Variants in RYR3 observed in about 807,000 individuals in gnomAD.
RYR3 encodes the protein brain ryanodine receptor-calcium release channel.
RYR3 carries 207 observed loss-of-function variants against 584.3 expected under a neutral mutation model. The observed-to-expected ratio is 0.35, with a 90% CI of 0.32 to 0.40. The LOEUF (loss-of-function observed/expected upper bound fraction) is 0.40. RYR3 is among the 10% of genes least tolerant of loss of function. RYR3 has a pLI of 1.00. For synonymous variants in RYR3, 2,416 were observed against 2,248.5 expected (o/e 1.07, Z -2.11); for missense variants, 5,616 against 6,089.2 (o/e 0.92, Z 2.59).
chr15:33,718,510 AGAGGAACAGGTCCTCTGG>A (rs1342891227), intron 43 of RYR3, among the ~76,000 whole-genome samples: 1 of 152,172 alleles, frequency 6.6e-6, no homozygotes, highest in Non-Finnish European at 1.5e-5. Flanking sequence ...AGGGTGTTTG[AGAGGAACAGGTCCTCTGG>A]GGTTCCCATG....
At position 33,311,737 on chromosome 15, in the gene RYR3, T is replaced by C. The variant is rs1443128037; in HGVS notation, c.51+641T>C. 6.6e-6 allele frequency among the ~76,000 whole-genome samples: 1 copy of C among 152,220 alleles called. No homozygotes were observed. On this transcript the variant is annotated intron_variant, in intron 1 of 103. Coordinates refer to ENST00000634891, the MANE Select transcript of RYR3 (RefSeq NM_001036.6). The surrounding 1 kb of genome is among the most constrained non-coding windows in gnomAD (Gnocchi z 4.4). ...GACTGCCTGTCGTGTGTTCGAGAGCTGTGGCTTCTGCTCCTGGCTCCCGCG... is the reference window on the plus strand; with the variant it reads ...GACTGCCTGTCGTGTGTTCGAGAGCCGTGGCTTCTGCTCCTGGCTCCCGCG...
At chr15:33,772,270 C>T in intron 63 of RYR3, 112 bp downstream of exon 63, 1 of 616,002 alleles carries the variant, frequency 1.6e-6, no homozygotes, top group Non-Finnish European at 2.9e-6. Flanking sequence ...GAGAATTATT[C>T]CATGCCTTTT....
chr15:33,610,353 A>G (rs1195973563), intron 18 of RYR3, among the ~76,000 whole-genome samples: 1 of 152,160 alleles, frequency 6.6e-6, no homozygotes, highest in African/African-American at 2.4e-5. Context: ...GGCAACACAT[A>G]CGTACCTTCA....
intron 64 of RYR3, among the ~76,000 whole-genome samples, chr15:33,774,868 C>T (rs974601144): frequency 6.6e-6 from 1 of 152,154 alleles, no homozygotes; most frequent in South Asian, 2.1e-4. Flanking sequence ...TGCCAAATTT[C>T]ACTTGAGGCA....
At chr15:33,385,093 C>T (rs1359967680) in intron 1 of RYR3, among the ~76,000 whole-genome samples, 1 of 152,202 alleles carries the variant, frequency 6.6e-6, no homozygotes, top group Non-Finnish European at 1.5e-5. Flanking sequence ...TTTTATGTCA[C>T]TTACCACAGC....
rs377038964 is a variant in RYR3, at chr15:33,702,915, G to A, written c.6483+1835G>A. Among the ~76,000 whole-genome samples, 15 of 152,092 alleles carry A rather than the reference G, an allele frequency of 9.9e-5. No individual in the cohort carries two copies. In the South Asian group the frequency reaches 2.1e-3, roughly 21 times the overall value. On this transcript the variant is annotated intron_variant, in intron 42 of 103. Coordinates refer to ENST00000634891, the MANE Select transcript of RYR3 (RefSeq NM_001036.6). The stretch of plus-strand genomic sequence containing the variant: ...GAAATAAATACACATTTTTTTCTTC[G>A]TGTCGCATAGTGAACGTGGGGTGGC...
intron 102 of RYR3, 146 bp from the exon 103 acceptor site, chr15:33,863,992 T>A (rs1432405428): frequency 6.9e-6 from 4 of 580,696 alleles, no homozygotes; most frequent in Non-Finnish European, 1.2e-5. Context: ...ATGGTTTGTG[T>A]CCTTATGCCA....
chr15:33,385,637 A>G (rs1308551683), intron 1 of RYR3, among the ~76,000 whole-genome samples: 1 of 151,754 alleles, frequency 6.6e-6, no homozygotes, highest in African/African-American at 2.4e-5. Context: ...AGTTGGCTCT[A>G]TATTGAGTAT....
At chr15:33,345,301 T>G (rs533125104) in intron 1 of RYR3, among the ~76,000 whole-genome samples, 2 of 152,178 alleles carry the variant, frequency 1.3e-5, no homozygotes, top group African/African-American at 4.8e-5. Context: ...TACAAAGGAC[T>G]ATATAAGATA....
Position 33,669,365 on chromosome 15 carries a change from G to A in RYR3, c.5631G>A (p.Leu1877=), listed in dbSNP as rs2152720622. The A allele has an allele frequency of 6.2e-7, 1 of 1,613,952 alleles. No individual in the cohort carries two copies. Among genetic ancestry groups the A allele is most frequent in the Non-Finnish European group, 8.5e-7 (1 of 1,179,866 alleles). Residue 1877 remains leucine, a synonymous_variant, in exon 37 of 104, where the codon CTG becomes CTA. Transcript: ENST00000634891. ...RSPPQEQINM[L]LNFQLGENCP... The stretch of plus-strand genomic sequence containing the variant: ...CTTGCCTCTCAAAGATCAACATGCT[G>A]CTTAACTTTCAACTGGGAGAGAACT...
chr15:33,753,773 C>G (rs1380099928), intron 57 of RYR3, among the ~76,000 whole-genome samples: 1 of 152,098 alleles, frequency 6.6e-6, no homozygotes, highest in Non-Finnish European at 1.5e-5. Flanking sequence ...GGGAAGCATT[C>G]GAGAAAGACT....
At chr15:33,780,607 C>A (rs146418029) in intron 65 of RYR3, among the ~76,000 whole-genome samples, 1 of 152,200 alleles carries the variant, frequency 6.6e-6, no homozygotes, top group Non-Finnish European at 1.5e-5. Context: ...CATCCTAAGA[C>A]CTCAGGGTCT....
chr15:33,364,191 T>C (rs914427891), intron 1 of RYR3, among the ~76,000 whole-genome samples: 1 of 152,206 alleles, frequency 6.6e-6, no homozygotes, highest in Non-Finnish European at 1.5e-5. Context: ...TTATTTTTTG[T>C]TTTTAAAATG....
rs1287733846 is a variant in RYR3, at chr15:33,699,809, C to T, written c.6355C>T (p.Leu2119=). 2 of 1,613,838 alleles carry T rather than the reference C, an allele frequency of 1.2e-6. No individual in the cohort carries two copies. The change falls in exon 41 of 104, where the codon CTG becomes TTG. Residue 2119 remains leucine, a synonymous_variant. Coordinates refer to ENST00000634891, the MANE Select transcript of RYR3 (RefSeq NM_001036.6). ...KAMFEHLSYL[L]ENSSVGLASP... ...CATGTTTGAGCATCTGAGTTATCTTCTGGAGAATAGCAGTGTTGGCCTAGG... is the reference window on the plus strand; with the variant it reads ...CATGTTTGAGCATCTGAGTTATCTTTTGGAGAATAGCAGTGTTGGCCTAGG...
intron 1 of RYR3, among the ~76,000 whole-genome samples, chr15:33,439,104 A>T (rs1337897221): frequency 1.3e-5 from 2 of 152,162 alleles, no homozygotes; most frequent in Admixed American, 6.5e-5. Context: ...TTATTGCTAA[A>T]TTTTTTTAAA....
At chr15:33,507,095 C>T (rs553343216) in intron 3 of RYR3, among the ~76,000 whole-genome samples, 1 of 152,266 alleles carries the variant, frequency 6.6e-6, no homozygotes, top group South Asian at 2.1e-4. Context: ...TCCTTCTAGT[C>T]AAAAATTGGT....
At position 33,780,326 on chromosome 15, in the gene RYR3, C is replaced by A. The variant is rs1158702362; in HGVS notation, c.9253C>A (p.Pro3085Thr). 1 of 1,613,808 alleles carries A rather than the reference C, an allele frequency of 6.2e-7. No individual in the cohort carries two copies. The highest frequency in any genetic ancestry group is 1.1e-5 in the South Asian group (1 of 91,030). ...NPLSVFNTKT[P>T]RERSILGMPD... is the part of the protein sequence containing the mutation. ...ACTCTCGGTCTTCAACACCAAAACC[C>A]CCAGGGAGAGGTCTAGTAAGTATCT... Residue 3085 changes from proline to threonine, a missense_variant, in exon 65 of 104, where the codon CCC (proline) becomes ACC (threonine). This residue lies in a region of RYR3 where 954 missense variants were observed against 1,132.2 expected (regional missense o/e 0.84). Transcript: ENST00000634891.
At chr15:33,767,183 TG>T (rs1377919801) in intron 60 of RYR3, among the ~76,000 whole-genome samples, 4 of 152,130 alleles carry the variant, frequency 2.6e-5, no homozygotes, top group Non-Finnish European at 5.9e-5. Flanking sequence ...CTCTCTACAG[TG>T]AGAAAGTTAC....
At chr15:33,713,651 C>A (rs2067278779) in intron 43 of RYR3, among the ~76,000 whole-genome samples, 1 of 152,136 alleles carries the variant, frequency 6.6e-6, no homozygotes, top group Admixed American at 6.5e-5. Flanking sequence ...TTAGTCTGTT[C>A]AGGCTGCCAT....
Sources: gnomAD v4.1 joint callset for allele counts (sites outside exome capture counted in the v4.1 genomes callset) on GRCh38, gnomAD v4.1.1 for gene constraint, gnomAD v4.1.1 regional missense constraint, Gnocchi (gnomAD v3.1) non-coding constraint, MANE v1.5 for transcripts, NCBI Gene and HGNC (gene_info 2026-07-23, HGNC 2026-07-21) for gene names.